Variants in DLGAP2 observed in about 807,000 individuals in gnomAD.
DLGAP2 encodes the protein DLG associated protein 2, also known as disks large-associated protein 2.
A neutral mutation model predicts 100.3 loss-of-function variants in DLGAP2; 26 were observed. The ratio of observed to expected loss-of-function variants is 0.26; its 90% CI spans 0.19 to 0.36. The LOEUF (loss-of-function observed/expected upper bound fraction) is 0.36, where lower values mean the gene tolerates loss of function less well. DLGAP2 is among the 10% of genes least tolerant of loss of function. DLGAP2 has a pLI of 1.00. For synonymous variants in DLGAP2, 886 were observed against 630.1 expected, an observed-to-expected ratio of 1.41 and a Z score of -6.08; for missense variants, 1,858 against 1,453.2, an observed-to-expected ratio of 1.28 and a Z score of -4.53.
intron 3 of DLGAP2, among the ~76,000 whole-genome samples, chr8:1,292,554 G>A (rs1234789633): frequency 6.6e-6 from 1 of 152,156 alleles, no homozygotes; most frequent in African/African-American, 2.4e-5. Context: ...AATAACTTCT[G>A]TATATATGTG....
chr8:1,262,956 G>A (rs888014177), intron 3 of DLGAP2, among the ~76,000 whole-genome samples: 36 of 152,122 alleles, frequency 2.4e-4, no homozygotes, highest in South Asian at 4.1e-4. Context: ...TAGATTTTCC[G>A]ATGTGGGAAG....
chr8:1,662,853 T>G lies in DLGAP2; in HGVS notation c.1811-5476T>G, dbSNP rs1798441557. Among the ~76,000 whole-genome samples, 3 of 151,084 alleles carry G rather than the reference T, an allele frequency of 2.0e-5. No individual in the cohort carries two copies. In the South Asian group the frequency reaches 6.3e-4, roughly 32 times the overall value. ...TGAGTGTGGGGAATGTGTGCCTGTGTGTACACGTGTGAGTGTGGGGTGTGT... is the reference window on the plus strand; with the variant it reads ...TGAGTGTGGGGAATGTGTGCCTGTGGGTACACGTGTGAGTGTGGGGTGTGT... On this transcript the variant is annotated intron_variant, in intron 8 of 14. Transcript: ENST00000637795.
chr8:1,435,915 G>C (rs952216749), intron 3 of DLGAP2, among the ~76,000 whole-genome samples: 1 of 152,008 alleles, frequency 6.6e-6, no homozygotes. Flanking sequence ...AATAGTAAAA[G>C]GGTTATAGAA....
At chr8:788,660 G>T (rs2132636045) in intron 1 of DLGAP2, among the ~76,000 whole-genome samples, 1 of 152,360 alleles carries the variant, frequency 6.6e-6, no homozygotes, top group Non-Finnish European at 1.5e-5. Flanking sequence ...AAGAAGCCCA[G>T]AGCGGGCAGA....
At chr8:1,264,876 T>C (rs907206967) in intron 3 of DLGAP2, among the ~76,000 whole-genome samples, 22 of 152,154 alleles carry the variant, frequency 1.4e-4, no homozygotes, top group African/African-American at 5.1e-4. Flanking sequence ...TTTCCCGTGC[T>C]GTTCTCGTGA....
chr8:1,319,926 T>C (rs1171384481), intron 3 of DLGAP2, among the ~76,000 whole-genome samples: 1 of 151,982 alleles, frequency 6.6e-6, no homozygotes, highest in East Asian at 1.9e-4. Flanking sequence ...CCCAGGGCCT[T>C]TGAGAATGTG....
intron 2 of DLGAP2, among the ~76,000 whole-genome samples, chr8:1,164,378 CT>C (rs201515808): frequency 0.013 from 1,956 of 148,764 alleles, 28 homozygotes; most frequent in Admixed American, 0.023. Flanking sequence ...GGGGATTTTT[CT>C]GTGAGCCTCC....
chr8:1,225,902 A>C (rs1046341067), intron 2 of DLGAP2, among the ~76,000 whole-genome samples: 1 of 152,246 alleles, frequency 6.6e-6, no homozygotes, highest in African/African-American at 2.4e-5. Flanking sequence ...TAATGTATGC[A>C]TATATCAAAA....
At position 1,487,741 on chromosome 8, in the gene DLGAP2, C is replaced by G. The variant is rs187789827; in HGVS notation, c.107-13625C>G. ...GGTCCCACCTGTGCACTGCTGCGTC[C>G]CAAGCATGCACCACACAGCACCGAT... On this transcript the variant is annotated intron_variant, in intron 3 of 14. Coordinates refer to ENST00000637795, the MANE Select transcript of DLGAP2 (RefSeq NM_001346810.2). 6.6e-5 allele frequency among the ~76,000 whole-genome samples: 10 copies of G among 152,332 alleles called. No individual in the cohort carries two copies. In the East Asian group the frequency reaches 1.5e-3, roughly 24 times the overall value.
At chr8:748,136 GGGCGGGTCTGCGGT>G in intron 1 of DLGAP2, among the ~76,000 whole-genome samples, 1 of 28,482 alleles carries the variant, frequency 3.5e-5, no homozygotes, top group South Asian at 2.0e-3. Flanking sequence ...GCGGTGGGAT[GGGCGGGTCTGCGGT>G]GGGATGGGCG....
intron 2 of DLGAP2, among the ~76,000 whole-genome samples, chr8:980,124 G>C (rs1054163123): frequency 1.3e-5 from 2 of 152,244 alleles, no homozygotes; most frequent in African/African-American, 4.8e-5. Flanking sequence ...GATTCCGGGA[G>C]TCAGGAGTGA....
chr8:1,595,134 G>A lies in DLGAP2; in HGVS notation c.1442+29240G>A, dbSNP rs769451067. On this transcript the variant is annotated intron_variant, in intron 6 of 14. Transcript: ENST00000637795. ...CAGCCCACTGCAGCCTCAACCTCCC[G>A]GGTGCAAGCGATTCTCCCACCTCAA... is the stretch of plus-strand genomic sequence containing the variant. Among the ~76,000 whole-genome samples, 91 of 151,860 alleles carry A rather than the reference G, an allele frequency of 6.0e-4. 1 individual carries two copies. Among genetic ancestry groups the A allele is most frequent in the Middle Eastern group, 6.8e-3 (2 of 294 alleles).
chr8:1,171,450 G>C (rs149406868), intron 2 of DLGAP2, among the ~76,000 whole-genome samples: 5,583 of 151,456 alleles, frequency 0.037, 390 homozygotes, highest in African/African-American at 0.13. Context: ...TTGACTTTCT[G>C]TCTCATTGAT....
intron 2 of DLGAP2, among the ~76,000 whole-genome samples, chr8:1,180,006 G>C (rs1256173158): frequency 2.0e-5 from 3 of 152,198 alleles, no homozygotes; most frequent in Admixed American, 6.5e-5. Context: ...ATACTAGCCA[G>C]TTAAAGTGAA....
At chr8:1,228,057 A>G (rs1798458504) in intron 2 of DLGAP2, among the ~76,000 whole-genome samples, 1 of 151,992 alleles carries the variant, frequency 6.6e-6, no homozygotes, top group African/African-American at 2.4e-5. Flanking sequence ...GAAGGGGAAC[A>G]TCACACACTG....
At chr8:1,070,394 C>G (rs1259814218) in intron 2 of DLGAP2, among the ~76,000 whole-genome samples, 1 of 152,134 alleles carries the variant, frequency 6.6e-6, no homozygotes, top group African/African-American at 2.4e-5. Context: ...CTCGTGGTTC[C>G]TGAGGGAGGT....
At chr8:947,801 C>T (rs930346546) in intron 2 of DLGAP2, among the ~76,000 whole-genome samples, 3 of 152,084 alleles carry the variant, frequency 2.0e-5, no homozygotes, top group South Asian at 4.1e-4. Context: ...CATGGCTCCC[C>T]GACCCTGTGC....
intron 2 of DLGAP2, among the ~76,000 whole-genome samples, chr8:989,715 A>G (rs1800599741): frequency 6.6e-6 from 1 of 152,212 alleles, no homozygotes; most frequent in Non-Finnish European, 1.5e-5. Flanking sequence ...AACTGCAATT[A>G]GTTTAAAATT....
At chr8:1,136,443 T>C (rs181446939) in intron 2 of DLGAP2, among the ~76,000 whole-genome samples, 35 of 152,252 alleles carry the variant, frequency 2.3e-4, no homozygotes, top group African/African-American at 7.9e-4. Flanking sequence ...GCTCTCTGGC[T>C]CCCCATACAG....
Sources: allele counts gnomAD v4.1 joint callset (sites outside exome capture counted in the v4.1 genomes callset), GRCh38; gene constraint gnomAD v4.1.1; transcripts MANE v1.5; gene names NCBI Gene and HGNC (gene_info 2026-07-23, HGNC 2026-07-21).